Variants in FAM149A observed in about 807,000 individuals in gnomAD.
FAM149A encodes the protein family with sequence similarity 149 member A.
Under a neutral mutation model 78.2 loss-of-function variants are expected in FAM149A, and 71 were observed. That is an observed-to-expected ratio of 0.91 (90% CI 0.75 to 1.11). The LOEUF (loss-of-function observed/expected upper bound fraction) is 1.11. FAM149A is among the 50% of genes least tolerant of loss of function. FAM149A has a pLI of 0.00. For missense variants in FAM149A, 1,036 were observed against 971.0 expected (o/e 1.07, Z -0.89); for synonymous variants, 446 against 410.5 (o/e 1.09, Z -1.04).
rs745823075 is a variant in FAM149A at position 186,174,456 on chromosome 4, G to A, written c.*2469G>A. Among the ~76,000 whole-genome samples the A allele has an allele frequency of 1.8e-5, 2 of 111,036 alleles. 1 individual carries two copies. The highest frequency in any genetic ancestry group is 4.5e-5 in the Non-Finnish European group (2 of 44,200). The allele number at this position is 111,036 out of a possible 152,430, so 72.8% of individuals were successfully genotyped here. A position where few individuals can be genotyped will look rare whatever the true frequency, so the allele number is the denominator to read the frequency against. ...CAAGCTTCGTAGTAGGGAAAACACCGGATATTCAGTCTAAACTAACATTAA... is the reference window on the plus strand; with the variant it reads ...CAAGCTTCGTAGTAGGGAAAACACCAGATATTCAGTCTAAACTAACATTAA... On this transcript the variant is annotated 3_prime_UTR_variant, in exon 14 of 14. Coordinates refer to ENST00000389354, the MANE Select transcript of FAM149A (RefSeq NM_001367768.3).
intron 1 of FAM149A, among the ~76,000 whole-genome samples, chr4:186,105,971 C>G (rs1056498436): frequency 6.6e-6 from 1 of 152,116 alleles, no homozygotes; most frequent in Non-Finnish European, 1.5e-5. Context: ...TTTTTGAAGT[C>G]CCTTTCTTTG....
intron 1 of FAM149A, chr4:186,116,403 C>T (rs1437437183): frequency 3.1e-6 from 3 of 960,168 alleles, no homozygotes; most frequent in Admixed American, 6.2e-5. Context: ...CCTATTTGGC[C>T]ATCTTGGCTC....
chr4:186,105,531 G>T lies in FAM149A; in HGVS notation c.455G>T (p.Arg152Leu). The T allele has an allele frequency of 8.7e-7, 1 of 1,147,192 alleles. No homozygotes were observed. The highest frequency in any genetic ancestry group is 1.7e-5 in the South Asian group (1 of 58,510). The allele number at this position is 1,147,192 out of a possible 1,614,324, so 71.1% of individuals were successfully genotyped here. Reference sequence around the variant, plus strand: ...CCGCTCCAGCCTGGCCCCGGAGAGCGAGAGCTCGGCGCCTGCGTGGCCCCC... The same window carrying T: ...CCGCTCCAGCCTGGCCCCGGAGAGCTAGAGCTCGGCGCCTGCGTGGCCCCC... Residue 152 changes from arginine to leucine, a missense_variant, in exon 1 of 14, where the codon CGA becomes CTA. Coordinates refer to ENST00000389354, the MANE Select transcript of FAM149A (RefSeq NM_001367768.3).
chr4:186,165,597 A>G (rs957429131), intron 11 of FAM149A, 133 bp downstream of exon 11: 14 of 829,418 alleles, frequency 1.7e-5, no homozygotes, highest in Non-Finnish European at 2.6e-5. Context: ...TGCCTTCATA[A>G]TCTGTTTCCA....
At chr4:186,109,064 G>C (rs981473044) in intron 1 of FAM149A, 32 of 272,946 alleles carry the variant, frequency 1.2e-4, no homozygotes, top group East Asian at 3.5e-4. Context: ...AGCCAGGATG[G>C]TCTCGATCTC....
intron 1 of FAM149A, 42 bp downstream of exon 1, chr4:186,105,684 G>C: frequency 9.8e-7 from 1 of 1,023,754 alleles, no homozygotes; most frequent in Non-Finnish European, 1.2e-6. Context: ...CTTTTGCCGG[G>C]ACCCCCGACC....
chr4:186,167,512 A>C (rs1231797055), intron 13 of FAM149A: 4 of 9,544 alleles, frequency 4.2e-4, no homozygotes, highest in South Asian at 3.0e-3. Flanking sequence ...GGCCTCACTC[A>C]AAAAAAAAAA....
chr4:186,120,634 AAAC>A (rs1307406819), intron 1 of FAM149A, among the ~76,000 whole-genome samples: 1 of 151,310 alleles, frequency 6.6e-6, no homozygotes, highest in Non-Finnish European at 1.5e-5. Flanking sequence ...TCTACTAAAA[AAAC>A]ACAAAAATTA....
At chr4:186,163,018 T>C (rs1407877937) in intron 9 of FAM149A, 70 bp downstream of exon 9, 4 of 894,532 alleles carry the variant, frequency 4.5e-6, no homozygotes, top group African/African-American at 1.7e-5. Context: ...CACTGAAGAC[T>C]GCAGGGGACA....
At chr4:186,135,668 A>G (rs536977907) in intron 1 of FAM149A, among the ~76,000 whole-genome samples, 47 of 152,136 alleles carry the variant, frequency 3.1e-4, no homozygotes, top group Non-Finnish European at 5.6e-4. Flanking sequence ...CAACATACGT[A>G]TTTCCTTCTC....
Position 186,104,773 on chromosome 4 carries a change from G to GGCGGCGGGC in FAM149A, c.-303_-302insCGGCGGGCG, listed in dbSNP as rs548894495. Among the ~76,000 whole-genome samples, 9 of 149,604 alleles carry GGCGGCGGGC rather than the reference G, an allele frequency of 6.0e-5. No homozygotes were observed. The highest frequency in any genetic ancestry group is 2.2e-4 in the African/African-American group (9 of 40,158). On this transcript the variant is annotated 5_prime_UTR_variant, in exon 1 of 14. Transcript: ENST00000389354. The stretch of plus-strand genomic sequence containing the variant: ...GGCGGGCGGCGGGCGGCGGGCGTCT[G>GGCGGCGGGC]GGGCGGGCGGCGGCCGCGCTTCCCG...
intron 1 of FAM149A, among the ~76,000 whole-genome samples, chr4:186,120,199 G>T (rs1159305082): frequency 6.6e-6 from 1 of 152,098 alleles, no homozygotes; most frequent in African/African-American, 2.4e-5. Flanking sequence ...ATGTTTTATG[G>T]ACATTATCAC....
intron 6 of FAM149A, chr4:186,155,093 G>A (rs560284279): frequency 4.3e-6 from 1 of 230,424 alleles, no homozygotes; most frequent in African/African-American, 2.3e-5. Context: ...CTCCCGAGTA[G>A]CTGGAACTGC....
At chr4:186,108,850 G>C (rs1209869700) in intron 1 of FAM149A, among the ~76,000 whole-genome samples, 1 of 140,556 alleles carries the variant, frequency 7.1e-6, no homozygotes, top group Non-Finnish European at 1.5e-5. Context: ...TCAATCTCTG[G>C]TTTTTTTTTT....
At chr4:186,145,312 G>T (rs1015586758) in intron 1 of FAM149A, among the ~76,000 whole-genome samples, 2 of 152,272 alleles carry the variant, frequency 1.3e-5, no homozygotes, top group East Asian at 3.9e-4. Flanking sequence ...GGTCGCTCCT[G>T]GGACTTGCTG....
chr4:186,119,423 C>G (rs1306236667), intron 1 of FAM149A, among the ~76,000 whole-genome samples: 2 of 152,170 alleles, frequency 1.3e-5, no homozygotes, highest in Admixed American at 6.5e-5. Context: ...TGGAACTTTG[C>G]AATGATTAAA....
At chr4:186,127,361 G>T in intron 1 of FAM149A, 1 of 985,404 alleles carries the variant, frequency 1.0e-6, no homozygotes, top group Non-Finnish European at 1.2e-6. Context: ...CAGTCTACCT[G>T]GATTCCACAG....
chr4:186,127,987 CTTTTTTTTT>C (rs61637634), intron 1 of FAM149A, among the ~76,000 whole-genome samples: 1 of 62,400 alleles, frequency 1.6e-5, no homozygotes, highest in Non-Finnish European at 2.7e-5. Context: ...CATGCCCGGC[CTTTTTTTTT>C]TTTTTTTTTT....
At chr4:186,124,168 G>A (rs2099317251) in intron 1 of FAM149A, 2 of 985,302 alleles carry the variant, frequency 2.0e-6, no homozygotes, top group Non-Finnish European at 2.4e-6. Flanking sequence ...CCTGTGAGTA[G>A]GAAATGCAAA....
Sources: gnomAD v4.1 joint callset for allele counts (sites outside exome capture counted in the v4.1 genomes callset) on GRCh38, gnomAD v4.1.1 for gene constraint, MANE v1.5 for transcripts, NCBI Gene and HGNC (gene_info 2026-07-23, HGNC 2026-07-21) for gene names.